MYOM1: variants seen among roughly 807,000 people sequenced by gnomAD.
MYOM1 encodes myomesin-1.
Under a neutral mutation model 205.3 loss-of-function variants are expected in MYOM1, and 164 were observed. That is an observed-to-expected ratio of 0.80 (90% CI 0.70 to 0.91). The LOEUF (loss-of-function observed/expected upper bound fraction) is 0.91. MYOM1 is among the 40% of genes least tolerant of loss of function. The probability of loss-of-function intolerance (pLI) is 0.00; values close to 1 mark genes in which losing one functional copy is unlikely to be tolerated. For missense variants in MYOM1, 2,011 were observed against 2,127.3 expected (o/e 0.95, Z 1.08); for synonymous variants, 772 against 789.4 (o/e 0.98, Z 0.37).
At chr18:3,187,204 A>ATGT (rs1423138803) in intron 5 of MYOM1, among the ~76,000 whole-genome samples, 1 of 152,226 alleles carries the variant, frequency 6.6e-6, no homozygotes, top group Non-Finnish European at 1.5e-5. Context: ...GTTGGTACAT[A>ATGT]TGTTGACTAA....
chr18:3,178,070 T>C (rs891882373), intron 5 of MYOM1, among the ~76,000 whole-genome samples: 9 of 152,222 alleles, frequency 5.9e-5, no homozygotes, highest in Admixed American at 1.3e-4. Flanking sequence ...GCTATGGTGC[T>C]GGACCAGGCT....
chr18:3,191,964 G>GGAATTACA, intron 3 of MYOM1, among the ~76,000 whole-genome samples: 1 of 152,110 alleles, frequency 6.6e-6, no homozygotes, highest in South Asian at 2.1e-4. Context: ...CCAAAGTGCT[G>GGAATTACA]GAATTACAGG....
At position 3,079,353 on chromosome 18, in the gene MYOM1, CGAA is replaced by C. The variant is rs2143661423; in HGVS notation, c.4485-14_4485-12del. 1 of 1,599,480 alleles carries C rather than the reference CGAA, an allele frequency of 6.3e-7. No individual in the cohort carries two copies. Among genetic ancestry groups the C allele is most frequent in the South Asian group, 1.1e-5 (1 of 89,756 alleles). On this transcript the variant is annotated splice_polypyrimidine_tract_variant and intron_variant, in intron 33 of 37. Coordinates refer to ENST00000356443, the MANE Select transcript of MYOM1 (RefSeq NM_003803.4). ...CTAATGGCGGACCCACTGTGAAAAT[CGAA>C]GAAAACTTCCTTAGCATTTGCTTCC...
At chr18:3,138,465 C>T (rs996952367) in intron 14 of MYOM1, among the ~76,000 whole-genome samples, 11 of 152,214 alleles carry the variant, frequency 7.2e-5, no homozygotes, top group Admixed American at 5.9e-4. Flanking sequence ...AAGCCACACG[C>T]ATGCTCTTGG....
intron 13 of MYOM1, among the ~76,000 whole-genome samples, chr18:3,146,723 G>C (rs2143963303): frequency 6.6e-6 from 1 of 152,096 alleles, no homozygotes; most frequent in South Asian, 2.1e-4. Flanking sequence ...AAGATGACCA[G>C]TCTACCACTT....
intron 9 of MYOM1, among the ~76,000 whole-genome samples, chr18:3,168,590 A>G (rs1281645209): frequency 2.0e-5 from 3 of 152,204 alleles, no homozygotes; most frequent in African/African-American, 7.2e-5. Flanking sequence ...CGCCCAGCAG[A>G]ATATACATTC....
At chr18:3,132,067 TATA>T (rs1598706056) in intron 16 of MYOM1, among the ~76,000 whole-genome samples, 2 of 147,390 alleles carry the variant, frequency 1.4e-5, no homozygotes, top group African/African-American at 2.5e-5. Context: ...TATATACATA[TATA>T]ATAATATATA....
At chr18:3,161,513 G>T (rs1035398057) in intron 10 of MYOM1, among the ~76,000 whole-genome samples, 1 of 152,196 alleles carries the variant, frequency 6.6e-6, no homozygotes, top group African/African-American at 2.4e-5. Context: ...CAGAAGTGAT[G>T]AGGGCAATTC....
intron 27 of MYOM1, 85 bp from the exon 28 acceptor site, chr18:3,089,681 T>G (rs1395438555): frequency 3.3e-5 from 34 of 1,044,034 alleles, no homozygotes; most frequent in Non-Finnish European, 4.8e-5. Context: ...TGATTTATAT[T>G]CATTATTGTA....
the MYOM1 span, among the ~76,000 whole-genome samples, chr18:3,226,702 C>T: frequency 1.3e-5 from 2 of 152,172 alleles, no homozygotes; most frequent in Non-Finnish European, 2.9e-5. The surrounding 1 kb of genome is among the most constrained non-coding windows in gnomAD (Gnocchi z 4.6). Context: ...ACAATGAGTA[C>T]TCACTGGTAG....
At position 3,126,717 on chromosome 18, in the gene MYOM1, C is replaced by A. The variant is rs751491766; in HGVS notation, c.2975G>T (p.Ser992Ile). 2.8e-5 allele frequency: 45 copies of A among 1,613,114 alleles called. No homozygotes were observed. In the East Asian group the frequency reaches 1.0e-3, roughly 36 times the overall value. Residue 992 changes from serine (S) to isoleucine (I), a missense_variant, in exon 19 of 38, where the codon AGT becomes ATT. Physicochemically the swap from Ser to Ile is moderately radical, Grantham distance 142 (BLOSUM62 -2). Transcript: ENST00000356443. ...CGTGCTTACCTTGTATGCCTCCTCA[C>A]TGACAGCCTTGACATTGGCTTCTCT... The part of the protein sequence containing the change: ...KWREANVKAV[S>I]EEAYKISNLK...
chr18:3,160,021 TCTC>T (rs746981784), intron 10 of MYOM1, among the ~76,000 whole-genome samples: 7 of 149,812 alleles, frequency 4.7e-5, no homozygotes, highest in Non-Finnish European at 5.9e-5. Context: ...TACTTCTTCT[TCTC>T]CTTCTCCTCT....
intron 16 of MYOM1, among the ~76,000 whole-genome samples, chr18:3,132,118 G>GTGTATATATATATATATA: frequency 7.0e-6 from 1 of 143,460 alleles, no homozygotes; most frequent in East Asian, 2.0e-4. Flanking sequence ...ATATGTGTGT[G>GTGTATATATATATATATA]TATATATATA....
chr18:3,170,763 A>G (rs562613417), intron 8 of MYOM1, among the ~76,000 whole-genome samples: 1 of 152,232 alleles, frequency 6.6e-6, no homozygotes, highest in Admixed American at 6.5e-5. Flanking sequence ...CGTAGATACT[A>G]TTTTCTTCCT....
rs913810918 is a variant in MYOM1, at chr18:3,112,377, G to A, written c.3339C>T (p.Phe1113=). The change falls in exon 22 of 38, where the codon TTC becomes TTT. Residue 1113 remains phenylalanine (F), a synonymous_variant. Transcript: ENST00000356443. The part of the protein sequence containing the change: ...RGLKEGVSYV[F]RVRAINQAGV... The stretch of plus-strand genomic sequence containing the variant: ...CCGCCTGGTTTATGGCTCGAACACG[G>A]AACACGTAGCTGACGCCCTCCTTGA... 6.2e-7 allele frequency: 1 copy of A among 1,611,676 alleles called. No homozygotes were observed. Among genetic ancestry groups the A allele is most frequent in the Admixed American group, 1.7e-5 (1 of 59,866 alleles).
At chr18:3,124,632 A>G (rs1319951666) in intron 19 of MYOM1, among the ~76,000 whole-genome samples, 2 of 151,784 alleles carry the variant, frequency 1.3e-5, no homozygotes, top group Non-Finnish European at 2.9e-5. Flanking sequence ...CCCGGCCCCA[A>G]ACTTTTCAAT....
chr18:3,166,275 T>A (rs1567945593), intron 9 of MYOM1, among the ~76,000 whole-genome samples: 1 of 143,030 alleles, frequency 7.0e-6, no homozygotes, highest in Admixed American at 7.1e-5. Context: ...TTTTTTTTTT[T>A]TTTTTTTTTA....
At chr18:3,207,606 C>G (rs1028433344) in intron 2 of MYOM1, among the ~76,000 whole-genome samples, 10 of 152,218 alleles carry the variant, frequency 6.6e-5, no homozygotes, top group African/African-American at 2.4e-4. Flanking sequence ...TGGGAAACCT[C>G]AAGCCTGTTG....
chr18:3,078,973 CTTTTTTT>C (rs11408756), intron 34 of MYOM1, among the ~76,000 whole-genome samples, 199 bp downstream of exon 34: 3 of 105,894 alleles, frequency 2.8e-5, no homozygotes, highest in African/African-American at 1.1e-4. Flanking sequence ...TACCCAGCTA[CTTTTTTT>C]TTTTTTTTTT....
Sources: gnomAD v4.1 joint callset for allele counts (sites outside exome capture counted in the v4.1 genomes callset) on GRCh38, gnomAD v4.1.1 for gene constraint, Gnocchi (gnomAD v3.1) non-coding constraint, MANE v1.5 for transcripts, NCBI Gene and HGNC (gene_info 2026-07-23, HGNC 2026-07-21) for gene names.